Variants in JAG1 observed in about 807,000 individuals in gnomAD.
JAG1 encodes the protein protein jagged-1.
In JAG1, 23 loss-of-function variants were observed where a neutral mutation model predicts 148.7. The ratio of observed to expected loss-of-function variants is 0.15; its 90% CI spans 0.11 to 0.22. JAG1 has a LOEUF of 0.22. Among genes scored for constraint, JAG1 ranks in the 10% least tolerant of loss-of-function variants. JAG1 has a pLI of 1.00. For missense variants in JAG1, 1,054 were observed against 1,611.2 expected, an observed-to-expected ratio of 0.65 and a Z score of 5.92; for synonymous variants, 572 against 598.3, an observed-to-expected ratio of 0.96 and a Z score of 0.64.
Position 10,658,409 on chromosome 20 carries a change from G to A in JAG1, c.694+59C>T, listed in dbSNP as rs1172447031. Reference sequence around the variant, plus strand: ...CGCATGCCACCTGCCTGCTGGTGGGGTGATAAATGGACACTAAAAGCAACA... The same window carrying A: ...CGCATGCCACCTGCCTGCTGGTGGGATGATAAATGGACACTAAAAGCAACA... On this transcript the variant is annotated intron_variant, in intron 4 of 25. Coordinates refer to ENST00000254958, the MANE Select transcript of JAG1 (RefSeq NM_000214.3). 4 of 1,605,054 alleles carry A rather than the reference G, an allele frequency of 2.5e-6. No individual in the cohort carries two copies. The East Asian group carries it at 8.9e-5, about 36-fold the overall frequency.
Position 10,649,100 on chromosome 20 carries a change from A to G in JAG1, c.1356T>C (p.Asn452=). Residue 452 remains asparagine (N), a synonymous_variant, in exon 11 of 26, where the codon AAT becomes AAC. Coordinates refer to ENST00000254958, the MANE Select transcript of JAG1 (RefSeq NM_000214.3). ...WMGQNCDINI[N]DCLGQCQNDA... is the part of the protein sequence containing the mutation. ...CATTCTGACACTGGCCAAGGCAGTC[A>G]TTAATATCTAAAAAATAAATAAGTC... 6.2e-7 allele frequency: 1 copy of G among 1,603,748 alleles called. No individual in the cohort carries two copies. The highest frequency in any genetic ancestry group is 8.5e-7 in the Non-Finnish European group (1 of 1,170,620).
In JAG1 at chr20:10,663,969, T is replaced by C. The variant is rs771903802; in HGVS notation, c.433A>G (p.Thr145Ala). 2 of 1,613,488 alleles carry C rather than the reference T, an allele frequency of 1.2e-6. No homozygotes were observed. Among genetic ancestry groups the C allele is most frequent in the Non-Finnish European group, 1.7e-6 (2 of 1,179,438 alleles). The change falls in exon 3 of 26, where the codon ACC (threonine) becomes GCC (alanine). Residue 145 changes from threonine (T) to alanine (A), a missense_variant. Physicochemically the swap from Thr to Ala is moderately conservative, Grantham distance 58. This residue lies in a region of JAG1 where 151 missense variants were observed against 211.1 expected (regional missense o/e 0.72). Transcript: ENST00000254958. ...CCACAGAAGCGATACTTACGAACGG[T>C]GTCATTACTGGAATCCCACGCCTCC... Reference protein sequence around the residue: ...LVEAWDSSNDTVQPDSIIEKA... With the variant: ...LVEAWDSSNDAVQPDSIIEKA...
In JAG1 at chr20:10,639,329, T is replaced by TC. The variant is rs1004572715; in HGVS notation, c.*168dup. On this transcript the variant is annotated 3_prime_UTR_variant, in exon 26 of 26. Coordinates refer to ENST00000254958, the MANE Select transcript of JAG1 (RefSeq NM_000214.3). ...TAGCTGTGAGATGCGGCACTCGATTTCCCAGCCAACCACAGAAACTACCAT... is the reference window on the plus strand; with the variant it reads ...TAGCTGTGAGATGCGGCACTCGATTTCCCCAGCCAACCACAGAAACTACCAT... 1.4e-6 allele frequency: 1 copy of TC among 736,558 alleles called. No individual in the cohort carries two copies. The highest frequency in any genetic ancestry group is 1.7e-5 in the African/African-American group (1 of 57,954). 45.6% of individuals were successfully genotyped at this position (736,558 alleles called of 1,614,324 possible). A position where few individuals can be genotyped will look rare whatever the true frequency, so the allele number is the denominator to read the frequency against.
intron 5 of JAG1, among the ~76,000 whole-genome samples, chr20:10,654,350 T>A (rs541461845): frequency 1.3e-5 from 2 of 152,202 alleles, no homozygotes; most frequent in Admixed American, 1.3e-4. Flanking sequence ...CCAACCAAGT[T>A]ATCCCAGTTT....
rs1208905634 is a variant in JAG1 at position 10,673,605 on chromosome 20, T to C, written c.-75A>G. On this transcript the variant is annotated 5_prime_UTR_variant, in exon 1 of 26. Transcript: ENST00000254958. This position sits in a 1 kb window ranked among gnomAD's most constrained non-coding sequence, Gnocchi z 4.7. The stretch of plus-strand genomic sequence containing the variant: ...GCTGGTGCTGCCGCCGGTGCTGCCG[T>C]CGCCGCTGCCCCTGCGGCCGCCGCG... The C allele has an allele frequency of 1.2e-6, 1 of 835,862 alleles. No homozygotes were observed. The highest frequency in any genetic ancestry group is 4.5e-4 in the Middle Eastern group (1 of 2,228). 51.8% of individuals were successfully genotyped at this position (835,862 alleles called of 1,614,324 possible).
chr20:10,642,066 A>G (rs1379740668), intron 21 of JAG1, among the ~76,000 whole-genome samples, 174 bp from the exon 22 acceptor site: 8 of 152,114 alleles, frequency 5.3e-5, no homozygotes, highest in Admixed American at 5.2e-4. Context: ...GCTTGGCCAC[A>G]AGACTTGCTC....
chr20:10,673,559 G>A lies in JAG1; in HGVS notation c.-29C>T. 1 of 1,210,644 alleles carries A rather than the reference G, an allele frequency of 8.3e-7. No individual in the cohort carries two copies. Among genetic ancestry groups the A allele is most frequent in the Non-Finnish European group, 1.0e-6 (1 of 961,954 alleles). 75.0% of individuals were successfully genotyped at this position (1,210,644 alleles called of 1,614,324 possible). On this transcript the variant is annotated 5_prime_UTR_variant, in exon 1 of 26. Coordinates refer to ENST00000254958, the MANE Select transcript of JAG1 (RefSeq NM_000214.3). The surrounding 1 kb of genome is among the most constrained non-coding windows in gnomAD (Gnocchi z 4.7). ...TGCGCCGCGCGCCGCGGGCACTCGG[G>A]ACGCCGCCGCTGCTGTTCGCGCTGG...
At chr20:10,671,937 G>A (rs1375055155) in intron 2 of JAG1, among the ~76,000 whole-genome samples, 3 of 152,024 alleles carry the variant, frequency 2.0e-5, no homozygotes, top group Non-Finnish European at 4.4e-5. Context: ...GGCCCCCGAA[G>A]GCTTGCGGGG....
rs1357884277 is a variant in JAG1 at position 10,673,169 on chromosome 20, A to AGC, written c.82-164_82-163insGC. On this transcript the variant is annotated intron_variant, in intron 1 of 25. Coordinates refer to ENST00000254958, the MANE Select transcript of JAG1 (RefSeq NM_000214.3). This position sits in a 1 kb window ranked among gnomAD's most constrained non-coding sequence, Gnocchi z 4.7. ...AGGACTCAACATGATTCCGGGGCAAAAAAAAAAAAAAATGCACGAGTGCGG... is the reference window on the plus strand; with the variant it reads ...AGGACTCAACATGATTCCGGGGCAAAGCAAAAAAAAAAAATGCACGAGTGCGG... 4 of 491,740 alleles carry AGC rather than the reference A, an allele frequency of 8.1e-6. No homozygotes were observed. The highest frequency in any genetic ancestry group is 8.1e-5 in the East Asian group (2 of 24,556). 30.5% of individuals were successfully genotyped at this position (491,740 alleles called of 1,614,324 possible).
chr20:10,640,701 T>C, intron 25 of JAG1, 82 bp downstream of exon 25: 1 of 1,456,746 alleles, frequency 6.9e-7, no homozygotes. Context: ...TGCCAGATAA[T>C]CCCTCGACCT....
chr20:10,664,072 C>G (rs903199714), intron 2 of JAG1, 58 bp from the exon 3 acceptor site: 1 of 1,409,890 alleles, frequency 7.1e-7, no homozygotes, highest in Non-Finnish European at 1.0e-6. Context: ...TCCAAAATCT[C>G]GTACATTCTT....
intron 2 of JAG1, among the ~76,000 whole-genome samples, chr20:10,668,247 C>T (rs909946255): frequency 2.6e-5 from 4 of 152,104 alleles, no homozygotes; most frequent in Non-Finnish European, 4.4e-5. Context: ...CCTCCATTTC[C>T]ACCACCATTT....
chr20:10,663,250 G>A (rs1346829362), intron 3 of JAG1, among the ~76,000 whole-genome samples: 6 of 152,150 alleles, frequency 3.9e-5, no homozygotes, highest in Non-Finnish European at 8.8e-5. Context: ...TGGCAAAAAG[G>A]GAACTTGAAG....
rs767187561 is a variant in JAG1 at position 10,652,210 on chromosome 20, C to G, written c.927G>C (p.Gly309=). Residue 309 remains glycine (G), a synonymous_variant, in exon 7 of 26, where the codon GGG becomes GGC. Coordinates refer to ENST00000254958, the MANE Select transcript of JAG1 (RefSeq NM_000214.3). ...YCGTHQPCLN[G]GTCSNTGPDK... ...CAGGGCCTGTGTTGCTACAAGTTCC[C>G]CCGTTGAGACACGGCTGATGAGTCC... 6.2e-7 allele frequency: 1 copy of G among 1,614,044 alleles called. No homozygotes were observed. Among genetic ancestry groups the G allele is most frequent in the East Asian group, 2.2e-5 (1 of 44,880 alleles).
At chr20:10,670,617 C>T (rs535508495) in intron 2 of JAG1, among the ~76,000 whole-genome samples, 1 of 152,326 alleles carries the variant, frequency 6.6e-6, no homozygotes, top group African/African-American at 2.4e-5. Context: ...AAAACAAATA[C>T]ACCTAAACTC....
Position 10,645,003 on chromosome 20 carries a change from C to T in JAG1, c.2228-24G>A, listed in dbSNP as rs781055456. ...GGCTATAAAAGAAGAGCAGACACGA[C>T]CACCCTCCCTGAGTATCCAGAAACA... On this transcript the variant is annotated intron_variant, in intron 17 of 25. Coordinates refer to ENST00000254958, the MANE Select transcript of JAG1 (RefSeq NM_000214.3). This position sits in a 1 kb window ranked among gnomAD's most constrained non-coding sequence, Gnocchi z 6.1. 1 of 1,584,912 alleles carries T rather than the reference C, an allele frequency of 6.3e-7. No homozygotes were observed. The highest frequency in any genetic ancestry group is 1.7e-5 in the Admixed American group (1 of 59,980).
chr20:10,641,776 G>GTCC lies in JAG1; in HGVS notation c.2682+4_2682+6dup. 2 of 1,611,612 alleles carry GTCC rather than the reference G, an allele frequency of 1.2e-6. No homozygotes were observed. Among genetic ancestry groups the GTCC allele is most frequent in the Non-Finnish European group, 1.7e-6 (2 of 1,177,674 alleles). ...ACAGGTGAACTGCGGCAGCCATCATGTCCTACCTTTGAGCAGGCGATCCGT... is the reference window on the plus strand; with the variant it reads ...ACAGGTGAACTGCGGCAGCCATCATGTCCTCCTACCTTTGAGCAGGCGATCCGT... On this transcript the variant is annotated splice_region_variant and intron_variant, in intron 22 of 25. Transcript: ENST00000254958.
intron 3 of JAG1, chr20:10,662,210 T>TTC (rs2067422049): frequency 6.6e-6 from 1 of 152,188 alleles, no homozygotes; most frequent in South Asian, 2.1e-4. Context: ...ACCTCAGTCT[T>TTC]TCTTGTCCTC....
At chr20:10,651,785 C>A (rs1403095611) in intron 7 of JAG1, 91 bp from the exon 8 acceptor site, 1 of 799,570 alleles carries the variant, frequency 1.3e-6, no homozygotes, top group Non-Finnish European at 2.2e-6. Context: ...ACCACAGCCA[C>A]TAGTGCAAGC....
Sources: gnomAD v4.1 joint callset for allele counts (sites outside exome capture counted in the v4.1 genomes callset) on GRCh38, gnomAD v4.1.1 for gene constraint, gnomAD v4.1.1 regional missense constraint, Gnocchi (gnomAD v3.1) non-coding constraint, MANE v1.5 for transcripts, NCBI Gene and HGNC (gene_info 2026-07-23, HGNC 2026-07-21) for gene names.